Variants in ZNF292 observed in about 807,000 individuals in gnomAD.
ZNF292 encodes zinc finger protein 292, also known as 16 zinc-finger domain protein.
Under a neutral mutation model 217.9 loss-of-function variants are expected in ZNF292, and 26 were observed. The ratio of observed to expected loss-of-function variants is 0.12; its 90% CI spans 0.09 to 0.17. The LOEUF is 0.17. ZNF292 is among the 10% of genes least tolerant of loss of function. ZNF292 has a pLI of 1.00. For missense variants in ZNF292, 2,904 were observed against 3,175.2 expected (o/e 0.91, Z 2.05); for synonymous variants, 1,257 against 1,124.1 (o/e 1.12, Z -2.37).
chr6:87,245,691 A>T, intron 7 of ZNF292, 47 bp downstream of exon 7: 1 of 1,222,834 alleles, frequency 8.2e-7, no homozygotes, highest in South Asian at 1.7e-5. Context: ...GTACATTATC[A>T]TTAATAAAAG....
intron 1 of ZNF292, among the ~76,000 whole-genome samples, chr6:87,189,929 ATTATAT>A (rs931623462): frequency 6.6e-5 from 10 of 152,168 alleles, no homozygotes; most frequent in African/African-American, 2.2e-4. Context: ...CTTCTCCCAC[ATTATAT>A]TTATTCAGTG....
Position 87,261,245 on chromosome 6 carries a change from T to C in ZNF292, c.7616T>C (p.Val2539Ala), listed in dbSNP as rs772151903. 1 of 1,609,908 alleles carries C rather than the reference T, an allele frequency of 6.2e-7. No homozygotes were observed. Among genetic ancestry groups the C allele is most frequent in the African/African-American group, 1.3e-5 (1 of 74,374 alleles). ...NLKRVNKEKNVSQNKKRKVEK... is the reference protein window; with the variant it reads ...NLKRVNKEKNASQNKKRKVEK... ...AAGAGAGTTAATAAGGAAAAAAATGTCTCACAAAATAAAAAAAGGAAAGTT... is the reference window on the plus strand; with the variant it reads ...AAGAGAGTTAATAAGGAAAAAAATGCCTCACAAAATAAAAAAAGGAAAGTT... Residue 2539 changes from valine (V) to alanine (A), a missense_variant, in exon 8 of 8, where the codon GTC (valine) becomes GCC (alanine). By Grantham distance (64) the Val-to-Ala change is moderately conservative. Transcript: ENST00000369577.
intron 1 of ZNF292, among the ~76,000 whole-genome samples, chr6:87,188,612 G>T (rs1484954050): frequency 1.3e-5 from 2 of 151,838 alleles, no homozygotes; most frequent in African/African-American, 4.8e-5. Flanking sequence ...AAAATTACAT[G>T]ATTATTTAAA....
chr6:87,179,672 T>C (rs1476258201), intron 1 of ZNF292, among the ~76,000 whole-genome samples: 1 of 152,218 alleles, frequency 6.6e-6, no homozygotes, highest in African/African-American at 2.4e-5. Flanking sequence ...CTGTTTATGA[T>C]GTAATTTTAT....
rs367801918 is a variant in ZNF292, at chr6:87,258,442, C to A, written c.4813C>A (p.Arg1605Ser). The change falls in exon 8 of 8, where the codon CGT becomes AGT. Residue 1605 changes from arginine to serine, a missense_variant. Arg to Ser is a moderately radical substitution (Grantham distance 110). Around this residue, in one of 15 missense-constraint regions of ZNF292, gnomAD observed 622 missense variants for 573.1 expected, o/e 1.09. Transcript: ENST00000369577. ...ACAAAATTTTACCAGTAACAGTTCT[C>A]GTGTTTCTGTTATAAGTGGTCCTCA... ...PSQNFTSNSS[R>S]VSVISGPQNT... 6.2e-7 allele frequency: 1 copy of A among 1,613,580 alleles called. No homozygotes were observed. The highest frequency in any genetic ancestry group is 8.5e-7 in the Non-Finnish European group (1 of 1,179,728).
intron 1 of ZNF292, among the ~76,000 whole-genome samples, chr6:87,187,127 A>T (rs559698725): frequency 1.3e-5 from 2 of 152,326 alleles, no homozygotes; most frequent in African/African-American, 2.4e-5. Context: ...GACAAACAGT[A>T]ATCCAAAGTT....
Position 87,216,013 on chromosome 6 carries a change from C to T in ZNF292, c.279C>T (p.Thr93=). ...QSYVKARPYL[T]SECENVALVL... is the part of the protein sequence containing the mutation. Reference sequence around the variant, plus strand: ...ATGTTAAAGCCCGACCTTATCTTACCTCTGAATGTGAAAATGTAGCCTTGG... The same window carrying T: ...ATGTTAAAGCCCGACCTTATCTTACTTCTGAATGTGAAAATGTAGCCTTGG... Residue 93 remains threonine (T), a synonymous_variant, in exon 2 of 8, where the codon ACC becomes ACT. Transcript: ENST00000369577. 1 of 1,579,834 alleles carries T rather than the reference C, an allele frequency of 6.3e-7. No individual in the cohort carries two copies. The highest frequency in any genetic ancestry group is 8.6e-7 in the Non-Finnish European group (1 of 1,169,156).
chr6:87,241,417 AT>A (rs34271239), intron 5 of ZNF292, among the ~76,000 whole-genome samples: 25,497 of 124,584 alleles, frequency 0.2, 2,057 homozygotes, highest in South Asian at 0.31. Context: ...AAGAGCTTGG[AT>A]TTTTTTTTTT....
At chr6:87,185,968 T>A (rs978826749) in intron 1 of ZNF292, among the ~76,000 whole-genome samples, 1 of 152,154 alleles carries the variant, frequency 6.6e-6, no homozygotes, top group Non-Finnish European at 1.5e-5. Flanking sequence ...TTCCTGAACC[T>A]AGTCCTTTGG....
Position 87,254,793 on chromosome 6 carries a change from T to C in ZNF292, c.1164T>C (p.Ala388=). The C allele has an allele frequency of 1.2e-6, 2 of 1,613,964 alleles. No individual in the cohort carries two copies. Among genetic ancestry groups the C allele is most frequent in the Non-Finnish European group, 1.7e-6 (2 of 1,179,854 alleles). The change falls in exon 8 of 8, where the codon GCT becomes GCC. Residue 388 remains alanine, a synonymous_variant. Coordinates refer to ENST00000369577, the MANE Select transcript of ZNF292 (RefSeq NM_015021.3). ...LLPDDLEVKR[A]CQLSEFLIEP... is the part of the protein sequence containing the mutation. Reference sequence around the variant, plus strand: ...CTGATGATCTGGAAGTTAAACGTGCTTGTCAACTGAGTGAATTTCTTATTG... The same window carrying C: ...CTGATGATCTGGAAGTTAAACGTGCCTGTCAACTGAGTGAATTTCTTATTG...
chr6:87,236,393 T>G (rs959830284), intron 5 of ZNF292, among the ~76,000 whole-genome samples: 3 of 127,642 alleles, frequency 2.4e-5, no homozygotes, highest in East Asian at 2.7e-4. Flanking sequence ...TAGGTTGTTT[T>G]TTTTTTTTTT....
chr6:87,245,601 C>G lies in ZNF292; in HGVS notation c.977C>G (p.Thr326Arg). Residue 326 changes from threonine (T) to arginine (R), a missense_variant, in exon 7 of 8, where the codon ACA (threonine) becomes AGA (arginine). By Grantham distance (71) the Thr-to-Arg change is moderately conservative. Transcript: ENST00000369577. ...RCRQLSLLTK[T>R]VYHIFFLIKV... ...CGTCAACTTTCTTTGTTAACGAAAA[C>G]AGTATATCACATTTTCTTCCTGATT... 6.5e-7 allele frequency: 1 copy of G among 1,536,610 alleles called. No homozygotes were observed. The highest frequency in any genetic ancestry group is 8.9e-7 in the Non-Finnish European group (1 of 1,127,752).
intron 1 of ZNF292, among the ~76,000 whole-genome samples, chr6:87,190,908 C>G (rs1212279540): frequency 1.3e-5 from 2 of 152,058 alleles, no homozygotes; most frequent in African/African-American, 4.8e-5. Context: ...AAAAATGAAG[C>G]AATACAAATA....
intron 5 of ZNF292, among the ~76,000 whole-genome samples, chr6:87,234,624 G>T (rs1216359942): frequency 6.6e-6 from 1 of 152,068 alleles, no homozygotes; most frequent in Admixed American, 6.6e-5. Context: ...AGTGGGCACT[G>T]AATGTGTACG....
Position 87,260,294 on chromosome 6 carries a change from A to G in ZNF292, c.6665A>G (p.Glu2222Gly), listed in dbSNP as rs1775495325. 1 of 1,613,520 alleles carries G rather than the reference A, an allele frequency of 6.2e-7. No individual in the cohort carries two copies. The highest frequency in any genetic ancestry group is 8.5e-7 in the Non-Finnish European group (1 of 1,179,628). ...DVGKFPCDQL[E>G]CKSSFTTYLN... is the part of the protein sequence containing the mutation. ...GGGAAGTTTCCATGTGACCAGTTAG[A>G]GTGTAAATCTTCATTTACTACATAT... The change falls in exon 8 of 8, where the codon GAG becomes GGG. Residue 2222 changes from glutamate (E) to glycine (G), a missense_variant. By Grantham distance (98) the Glu-to-Gly change is moderately conservative (BLOSUM62 -2). Transcript: ENST00000369577.
At chr6:87,233,611 C>T in intron 5 of ZNF292, 84 bp downstream of exon 5, 2 of 1,531,794 alleles carry the variant, frequency 1.3e-6, no homozygotes, top group Non-Finnish European at 1.8e-6. Context: ...TTCCTTTTCT[C>T]TTAGATAGCG....
In ZNF292 at chr6:87,254,764, T is replaced by C. The variant is rs954228650; in HGVS notation, c.1135T>C (p.Leu379=). ...ISICKTISCL[L]PDDLEVKRAC... ...TATTTGCAAGACCATTTCATGTTTG[T>C]TGCCTGATGATCTGGAAGTTAAACG... The change falls in exon 8 of 8, where the codon TTG becomes CTG. Residue 379 remains leucine, a synonymous_variant. Transcript: ENST00000369577. The C allele has an allele frequency of 4.3e-6, 7 of 1,613,860 alleles. No individual in the cohort carries two copies. The African/African-American group carries it at 8.0e-5, about 18-fold the overall frequency.
In ZNF292 at chr6:87,218,796, G is replaced by A. The variant is rs1772921210; in HGVS notation, c.538+65G>A. On this transcript the variant is annotated intron_variant, in intron 4 of 7. Transcript: ENST00000369577. The stretch of plus-strand genomic sequence containing the variant: ...ACTAGAAAAAATAAGTGTTAAAGTT[G>A]TTTTGATATAATTTATCTCAAGATA... The A allele has an allele frequency of 3.4e-6, 5 of 1,466,246 alleles. No homozygotes were observed. In the East Asian group the frequency reaches 1.0e-4, roughly 30 times the overall value. 90.8% of individuals were successfully genotyped at this position (1,466,246 alleles called of 1,614,324 possible).
rs756126211 is a variant in ZNF292, at chr6:87,257,611, A to G, written c.3982A>G (p.Asn1328Asp). Residue 1328 changes from asparagine to aspartate, a missense_variant, in exon 8 of 8, where the codon AAT (asparagine) becomes GAT (aspartate). Physicochemically the swap from Asn to Asp is conservative, Grantham distance 23. Around this residue, in one of 15 missense-constraint regions of ZNF292, gnomAD observed 687 missense variants for 623.0 expected, o/e 1.10. Transcript: ENST00000369577. ...TTTTCCTTCACAAGTGAATGTTGCA[A>G]ATAACTTCAGTAGCACCAATGCCCA... ...AVFPSQVNVA[N>D]NFSSTNAQQS... The G allele has an allele frequency of 3.2e-5, 52 of 1,607,528 alleles. No homozygotes were observed. Among genetic ancestry groups the G allele is most frequent in the African/African-American group, 2.5e-4 (19 of 74,890 alleles).
Sources: allele counts gnomAD v4.1 joint callset (sites outside exome capture counted in the v4.1 genomes callset), GRCh38; gene constraint gnomAD v4.1.1; regional missense constraint gnomAD v4.1.1; transcripts MANE v1.5; gene names NCBI Gene and HGNC (gene_info 2026-07-23, HGNC 2026-07-21).